UBE2B: variants seen among roughly 807,000 people sequenced by gnomAD.
UBE2B encodes ubiquitin-conjugating enzyme E2 B.
A neutral mutation model predicts 24.6 loss-of-function variants in UBE2B; 11 were observed. The ratio of observed to expected loss-of-function variants is 0.45; its 90% confidence interval spans 0.28 to 0.74. The LOEUF is 0.74. UBE2B is among the 30% of genes least tolerant of loss of function. The pLI, the probability that UBE2B is intolerant of heterozygous loss-of-function variation, is 0.13. For synonymous variants in UBE2B, 68 were observed against 62.4 expected (o/e 1.09, Z -0.42); for missense variants, 78 against 185.6 (o/e 0.42, Z 3.37).
intron 1 of UBE2B, 95 bp downstream of exon 1, chr5:134,371,734 AGGGCCGGCTGT>A: frequency 6.4e-7 from 1 of 1,563,226 alleles, no homozygotes; most frequent in Non-Finnish European, 8.7e-7. Flanking sequence ...TGACCCTCAG[AGGGCCGGCTGT>A]GGGCCCAGCG....
At chr5:134,386,940 A>G (rs573503483) in intron 4 of UBE2B, among the ~76,000 whole-genome samples, 4 of 150,882 alleles carry the variant, frequency 2.7e-5, no homozygotes, top group African/African-American at 9.7e-5. Context: ...ATGGACCACA[A>G]GGTAGAATTA....
At position 134,388,312 on chromosome 5, in the gene UBE2B, A is replaced by G. The variant is rs2149694020; in HGVS notation, c.242-13A>G. On this transcript the variant is annotated splice_polypyrimidine_tract_variant and intron_variant, in intron 4 of 5. Coordinates refer to ENST00000265339, the MANE Select transcript of UBE2B (RefSeq NM_003337.4). The stretch of plus-strand genomic sequence containing the variant: ...GGCAGAGTGTGTAACTAATTTTAGT[A>G]TTGTCTTTGCAGTGTATGCTGATGG... 1 of 1,611,006 alleles carries G rather than the reference A, an allele frequency of 6.2e-7. No homozygotes were observed. The highest frequency in any genetic ancestry group is 1.7e-5 in the Admixed American group (1 of 60,022).
At chr5:134,388,540 T>C in intron 5 of UBE2B, 127 bp downstream of exon 5, 1 of 809,802 alleles carries the variant, frequency 1.2e-6, no homozygotes, top group Non-Finnish European at 2.1e-6. Flanking sequence ...ACTTTTCTCT[T>C]TCAGTAGTGC....
intron 1 of UBE2B, 79 bp downstream of exon 1, chr5:134,371,718 C>A (rs1269605630): frequency 4.9e-5 from 78 of 1,591,690 alleles, no homozygotes; most frequent in Non-Finnish European, 6.4e-5. Context: ...GACACCTTCC[C>A]CTTTGTGACC....
chr5:134,371,725 G>T, intron 1 of UBE2B, 86 bp downstream of exon 1: 1 of 1,581,892 alleles, frequency 6.3e-7, no homozygotes, highest in South Asian at 1.1e-5. Flanking sequence ...TCCCCTTTGT[G>T]ACCCTCAGAG....
chr5:134,374,482 C>T lies in UBE2B; in HGVS notation c.125+19C>T. On this transcript the variant is annotated intron_variant, in intron 2 of 5. Coordinates refer to ENST00000265339, the MANE Select transcript of UBE2B (RefSeq NM_003337.4). ...TATTTGGGTGAGTTGAAAGGTTTAA[C>T]AAATAATAGGTGTGTGCTGAATCTT... 6.5e-7 allele frequency: 1 copy of T among 1,550,364 alleles called. No homozygotes were observed. Among genetic ancestry groups the T allele is most frequent in the Non-Finnish European group, 8.7e-7 (1 of 1,146,126 alleles).
intron 2 of UBE2B, among the ~76,000 whole-genome samples, chr5:134,376,062 G>T (rs1028975368): frequency 6.6e-6 from 1 of 151,082 alleles, no homozygotes; most frequent in African/African-American, 2.4e-5. Context: ...GCCAGGTGCG[G>T]TGGCTCACGC....
At chr5:134,377,443 C>T (rs1758627587) in intron 3 of UBE2B, among the ~76,000 whole-genome samples, 1 of 152,158 alleles carries the variant, frequency 6.6e-6, no homozygotes, top group African/African-American at 2.4e-5. Context: ...TATCTGGATT[C>T]TGGAATATGT....
At chr5:134,375,772 C>T (rs923886063) in intron 2 of UBE2B, among the ~76,000 whole-genome samples, 4 of 141,000 alleles carry the variant, frequency 2.8e-5, no homozygotes, top group African/African-American at 8.0e-5. Flanking sequence ...TGCACTCCAG[C>T]CTGGGCGACA....
chr5:134,386,012 C>CA (rs1410944152), intron 4 of UBE2B, among the ~76,000 whole-genome samples: 14 of 137,622 alleles, frequency 1.0e-4, no homozygotes, highest in South Asian at 6.8e-4. Flanking sequence ...GACTCCATCT[C>CA]AAAAAAAAAG....
intron 4 of UBE2B, among the ~76,000 whole-genome samples, chr5:134,386,982 T>TA (rs935394518): frequency 6.7e-6 from 1 of 149,866 alleles, no homozygotes; most frequent in African/African-American, 2.5e-5. Flanking sequence ...TTTTTTAAGA[T>TA]AGAGTCTCGC....
At chr5:134,382,545 G>T (rs900131480) in intron 4 of UBE2B, among the ~76,000 whole-genome samples, 1 of 152,164 alleles carries the variant, frequency 6.6e-6, no homozygotes, top group Non-Finnish European at 1.5e-5. Context: ...AGGCTGAGGA[G>T]GGTGGATTGC....
At chr5:134,372,128 C>T (rs1758460086) in intron 1 of UBE2B, among the ~76,000 whole-genome samples, 2 of 152,190 alleles carry the variant, frequency 1.3e-5, no homozygotes, top group Non-Finnish European at 2.9e-5. Flanking sequence ...TCCATTTGTG[C>T]CCTGAGGGTG....
In UBE2B at chr5:134,390,468, A is replaced by G. The variant is rs1360144375; in HGVS notation, c.*115A>G. ...TTTAAGGATTCTGCAGAAAAAAAAG[A>G]AAAAAGTCCTTCAGTTTAGAACCTA... is the stretch of plus-strand genomic sequence containing the variant. On this transcript the variant is annotated 3_prime_UTR_variant, in exon 6 of 6. Transcript: ENST00000265339. This position sits in a 1 kb window ranked among gnomAD's most constrained non-coding sequence, Gnocchi z 4.6. 1.5e-6 allele frequency: 2 copies of G among 1,329,490 alleles called. No individual in the cohort carries two copies. The highest frequency in any genetic ancestry group is 2.1e-6 in the Non-Finnish European group (2 of 957,494). 82.4% of individuals were successfully genotyped at this position (1,329,490 alleles called of 1,614,324 possible).
At chr5:134,371,740 G>T in intron 1 of UBE2B, 101 bp downstream of exon 1, 1 of 1,528,878 alleles carries the variant, frequency 6.5e-7, no homozygotes, top group Non-Finnish European at 9.0e-7. Context: ...TCAGAGGGCC[G>T]GCTGTGGGCC....
At position 134,390,143 on chromosome 5, in the gene UBE2B, TTCTGTAATATATTCCATA is replaced by T. The variant is rs1581328154; in HGVS notation, c.331-77_331-60del. On this transcript the variant is annotated intron_variant, in intron 5 of 5. Transcript: ENST00000265339. The surrounding 1 kb of genome is among the most constrained non-coding windows in gnomAD (Gnocchi z 4.6). ...AGTAATTTGTTGTTTTGTATAACTT[TTCTGTAATATATTCCATA>T]TCTGACCCCTGTTGGTATAAAGAAC... is the stretch of plus-strand genomic sequence containing the variant. 9.6e-6 allele frequency: 15 copies of T among 1,555,140 alleles called. No homozygotes were observed. In the East Asian group the frequency reaches 3.4e-4, roughly 35 times the overall value.
chr5:134,388,141 T>C (rs1269736929), intron 4 of UBE2B, 184 bp from the exon 5 acceptor site: 1 of 602,574 alleles, frequency 1.7e-6, no homozygotes, highest in Non-Finnish European at 3.0e-6. Flanking sequence ...GGAGGGAACA[T>C]TCAAACCATA....
Position 134,390,159 on chromosome 5 carries a change from A to G in UBE2B, c.331-66A>G, listed in dbSNP as rs1581328163. On this transcript the variant is annotated intron_variant, in intron 5 of 5. Transcript: ENST00000265339. This position sits in a 1 kb window ranked among gnomAD's most constrained non-coding sequence, Gnocchi z 4.6. ...GTATAACTTTTCTGTAATATATTCC[A>G]TATCTGACCCCTGTTGGTATAAAGA... 1 of 1,591,738 alleles carries G rather than the reference A, an allele frequency of 6.3e-7. No homozygotes were observed. Among genetic ancestry groups the G allele is most frequent in the South Asian group, 1.1e-5 (1 of 90,206 alleles).
At chr5:134,374,606 AT>A (rs1261872303) in intron 2 of UBE2B, 143 bp downstream of exon 2, 20 of 970,974 alleles carry the variant, frequency 2.1e-5, no homozygotes, top group Middle Eastern at 2.6e-4. Flanking sequence ...GAAAAAAAAA[AT>A]ATTTCAATTA....
Sources: gnomAD v4.1 joint callset for allele counts (sites outside exome capture counted in the v4.1 genomes callset) on GRCh38, gnomAD v4.1.1 for gene constraint, Gnocchi (gnomAD v3.1) non-coding constraint, MANE v1.5 for transcripts, NCBI Gene and HGNC (gene_info 2026-07-23, HGNC 2026-07-21) for gene names.